ADRA1A: variants seen among roughly 807,000 people sequenced by gnomAD.
ADRA1A encodes the protein adrenoceptor alpha 1A.
Under a neutral mutation model 29.6 loss-of-function variants are expected in ADRA1A, and 31 were observed. The ratio of observed to expected loss-of-function variants is 1.05; its 90% CI spans 0.79 to 1.41. The LOEUF is 1.41. Ranked by LOEUF, ADRA1A falls within the 40% of genes most tolerant of loss-of-function variation. The pLI is 0.00. For synonymous variants in ADRA1A, 311 were observed against 254.3 expected (o/e 1.22, Z -2.12); for missense variants, 619 against 601.1 (o/e 1.03, Z -0.31).
intron 2 of ADRA1A, among the ~76,000 whole-genome samples, chr8:26,858,289 C>T (rs1226624791): frequency 6.6e-6 from 1 of 152,220 alleles, no homozygotes; most frequent in African/African-American, 2.4e-5. Flanking sequence ...AGAATTCAGA[C>T]ACGTAACTAT....
intron 2 of ADRA1A, among the ~76,000 whole-genome samples, chr8:26,857,821 G>A (rs1304269843): frequency 1.8e-4 from 28 of 152,180 alleles, no homozygotes; most frequent in Admixed American, 1.8e-3. Context: ...CATCCGCAGA[G>A]GGTTTGGGAT....
chr8:26,775,348 C>CT lies in ADRA1A; in HGVS notation c.884-4683dup, dbSNP rs978409417. On this transcript the variant is annotated intron_variant, in intron 2 of 2. Transcript: ENST00000380573. This position sits in a 1 kb window ranked among gnomAD's most constrained non-coding sequence, Gnocchi z 4.1. The stretch of plus-strand genomic sequence containing the variant: ...GACTTCTTTCTGCTGTCTCATTCTT[C>CT]TTTTTTTTGCCCACCATTTCAGTTC... Among the ~76,000 whole-genome samples, 4 of 151,854 alleles carry CT rather than the reference C, an allele frequency of 2.6e-5. No homozygotes were observed. Among genetic ancestry groups the CT allele is most frequent in the East Asian group, 1.9e-4 (1 of 5,192 alleles).
At chr8:26,757,937 T>C (rs1387828170) in intron 2 of ADRA1A, among the ~76,000 whole-genome samples, 2 of 152,226 alleles carry the variant, frequency 1.3e-5, no homozygotes, top group African/African-American at 4.8e-5. Flanking sequence ...ACAACTATGA[T>C]AACTTAATAT....
chr8:26,853,230 G>A (rs1321024729), intron 2 of ADRA1A, among the ~76,000 whole-genome samples: 2 of 152,044 alleles, frequency 1.3e-5, no homozygotes, highest in Non-Finnish European at 2.9e-5. Flanking sequence ...TAAAACCAAT[G>A]GACAGTGTCA....
intron 2 of ADRA1A, among the ~76,000 whole-genome samples, chr8:26,840,132 CA>C (rs1585807845): frequency 6.6e-6 from 1 of 152,154 alleles, no homozygotes; most frequent in East Asian, 1.9e-4. Flanking sequence ...CGAATGGATG[CA>C]ACATTTGTAA....
intron 2 of ADRA1A, among the ~76,000 whole-genome samples, chr8:26,807,009 A>T (rs1274484934): frequency 6.6e-6 from 1 of 152,176 alleles, no homozygotes; most frequent in Non-Finnish European, 1.5e-5. Flanking sequence ...AAAAATAAAC[A>T]TGTTCACTGA....
intron 2 of ADRA1A, among the ~76,000 whole-genome samples, chr8:26,851,707 T>A (rs1275636716): frequency 6.6e-6 from 1 of 152,208 alleles, no homozygotes; most frequent in African/African-American, 2.4e-5. Flanking sequence ...AATGAAGATA[T>A]TATTGATTTG....
Position 26,867,181 on chromosome 8 carries a change from C to T in ADRA1A, c.-932G>A. 1.0e-6 allele frequency: 1 copy of T among 985,414 alleles called. No individual in the cohort carries two copies. The highest frequency in any genetic ancestry group is 1.2e-6 in the Non-Finnish European group (1 of 829,936). The allele number at this position is 985,414 out of a possible 1,614,324, so 61.0% of individuals were successfully genotyped here. On this transcript the variant is annotated 5_prime_UTR_variant, in exon 1 of 3. Coordinates refer to ENST00000380573, the MANE Select transcript of ADRA1A (RefSeq NM_000680.4). ...CAAAATAAGAAAAGAAAAAAAAATG[C>T]AGATAACCGGTAACTCCACAATCAC...
At chr8:26,820,676 CTATGCCAA>C (rs1266707363) in intron 2 of ADRA1A, among the ~76,000 whole-genome samples, 2 of 152,156 alleles carry the variant, frequency 1.3e-5, no homozygotes, top group African/African-American at 4.8e-5. Flanking sequence ...GCCCACATGC[CTATGCCAA>C]TATGCGAGCA....
chr8:26,820,374 G>C (rs12545761), intron 2 of ADRA1A, among the ~76,000 whole-genome samples: 36,266 of 152,044 alleles, frequency 0.24, 5,082 homozygotes, highest in South Asian at 0.44. Flanking sequence ...TAAGAAAATT[G>C]AAATCATATC....
intron 2 of ADRA1A, among the ~76,000 whole-genome samples, chr8:26,794,890 T>C (rs1015837104): frequency 6.6e-6 from 1 of 152,068 alleles, no homozygotes; most frequent in Non-Finnish European, 1.5e-5. Context: ...TTAAGTCAAT[T>C]TAATGAGAGA....
intron 2 of ADRA1A, among the ~76,000 whole-genome samples, chr8:26,816,332 T>C (rs762468144): frequency 2.0e-5 from 3 of 152,162 alleles, no homozygotes; most frequent in South Asian, 2.1e-4. Flanking sequence ...GACCTATTGA[T>C]TGGGATCAAA....
At chr8:26,845,574 A>G (rs1465902048) in intron 2 of ADRA1A, among the ~76,000 whole-genome samples, 1 of 152,136 alleles carries the variant, frequency 6.6e-6, no homozygotes, top group East Asian at 1.9e-4. Flanking sequence ...GAGCAATTCA[A>G]CTCCTAGGGG....
At chr8:26,765,654 C>T (rs1022375958), downstream of ADRA1A, among the ~76,000 whole-genome samples, 8 of 152,232 alleles carry the variant, frequency 5.3e-5, no homozygotes, top group Admixed American at 2.6e-4. Context: ...CCTCTGCTTT[C>T]TTTTCACTTG....
Position 26,864,466 on chromosome 8 carries a change from C to T in ADRA1A, c.504G>A (p.Pro168=), listed in dbSNP as rs1813729270. The change falls in exon 2 of 3, where the codon CCG becomes CCA. Residue 168 remains proline (P), a synonymous_variant. Transcript: ENST00000380573. This position sits in a 1 kb window ranked among gnomAD's most constrained non-coding sequence, Gnocchi z 8.1. The part of the protein sequence containing the change: ...SIGPLFGWRQ[P]APEDETICQI... ...GGCAGATGGTCTCGTCCTCGGGGGC[C>T]GGCTGCCTCCAGCCGAACAGGGGTC... The T allele has an allele frequency of 5.6e-6, 9 of 1,613,522 alleles. No individual in the cohort carries two copies. In the South Asian group the frequency reaches 7.7e-5, roughly 14 times the overall value.
chr8:26,788,005 T>C (rs1807529279), intron 2 of ADRA1A, among the ~76,000 whole-genome samples: 1 of 152,122 alleles, frequency 6.6e-6, no homozygotes, highest in Non-Finnish European at 1.5e-5. Context: ...TGTGTGGTTC[T>C]GGTTTACACA....
At chr8:26,835,434 C>T (rs922737) in intron 2 of ADRA1A, among the ~76,000 whole-genome samples, 19,815 of 152,090 alleles carry the variant, frequency 0.13, 1,407 homozygotes, top group Non-Finnish European at 0.14. Flanking sequence ...CTCATAGTTC[C>T]GTAGAGCTGG....
intron 2 of ADRA1A, among the ~76,000 whole-genome samples, chr8:26,773,635 T>A (rs1008815820): frequency 3.9e-5 from 6 of 152,026 alleles, no homozygotes; most frequent in Non-Finnish European, 8.8e-5. Context: ...GAAAAAAAAA[T>A]ATGCACTATG....
In ADRA1A at chr8:26,770,357, T is replaced by G; in HGVS notation, c.1193A>C (p.Lys398Thr). 1 of 1,614,154 alleles carries G rather than the reference T, an allele frequency of 6.2e-7. No individual in the cohort carries two copies. The highest frequency in any genetic ancestry group is 8.5e-7 in the Non-Finnish European group (1 of 1,180,028). The change falls in exon 3 of 3, where the codon AAA becomes ACA. Residue 398 changes from lysine (K) to threonine (T), a missense_variant. Transcript: ENST00000380573. ...TCCACGGGGCATGGAAGAGAAAAAT[T>G]TCCATTCACAAACGCCATCCGTCTT... is the stretch of plus-strand genomic sequence containing the variant. Reference protein sequence around the residue: ...ISKTDGVCEWKFFSSMPRGSA... With the variant: ...ISKTDGVCEWTFFSSMPRGSA...
Sources: allele counts gnomAD v4.1 joint callset (sites outside exome capture counted in the v4.1 genomes callset), GRCh38; gene constraint gnomAD v4.1.1; non-coding constraint Gnocchi (gnomAD v3.1); transcripts MANE v1.5; gene names NCBI Gene and HGNC (gene_info 2026-07-23, HGNC 2026-07-21).